Variants in WDR70 observed in about 807,000 individuals in gnomAD.
WDR70 encodes the protein WD repeat domain 70.
Under a neutral mutation model 88.6 loss-of-function variants are expected in WDR70, and 53 were observed. That is an observed-to-expected ratio of 0.60 (90% CI 0.48 to 0.75). The LOEUF (loss-of-function observed/expected upper bound fraction) is 0.75, where lower values mean the gene tolerates loss of function less well. Among genes scored for constraint, WDR70 ranks in the 30% least tolerant of loss-of-function variants. The pLI is 0.00. For synonymous variants in WDR70, 280 were observed against 270.0 expected, an observed-to-expected ratio of 1.04 and a Z score of -0.36; for missense variants, 610 against 823.2, an observed-to-expected ratio of 0.74 and a Z score of 3.17.
chr5:37,546,243 CT>C (rs1254380569), intron 9 of WDR70, among the ~76,000 whole-genome samples: 27 of 152,082 alleles, frequency 1.8e-4, no homozygotes, highest in African/African-American at 6.3e-4. Flanking sequence ...CCTCATATGT[CT>C]AGGAATGAAA....
At chr5:37,468,880 A>T (rs370645684) in intron 7 of WDR70, among the ~76,000 whole-genome samples, 2 of 152,320 alleles carry the variant, frequency 1.3e-5, no homozygotes, top group East Asian at 3.9e-4. Context: ...AGTATATGGG[A>T]GGATGTGCAA....
At chr5:37,558,314 A>G (rs1742375053) in intron 9 of WDR70, among the ~76,000 whole-genome samples, 1 of 151,768 alleles carries the variant, frequency 6.6e-6, no homozygotes, top group Non-Finnish European at 1.5e-5. Context: ...AACACAATGT[A>G]TTTAGCTTTG....
At position 37,680,786 on chromosome 5, in the gene WDR70, A is replaced by G. The variant is rs933917810; in HGVS notation, c.1093-16869A>G. Among the ~76,000 whole-genome samples, 18 of 151,968 alleles carry G rather than the reference A, an allele frequency of 1.2e-4. No individual in the cohort carries two copies. The East Asian group carries it at 2.7e-3, about 23-fold the overall frequency. ...TCTGTTCTTGTACCAGTACGATGCT[A>G]TTTTGGTTACTGTTACCCTGTAGTA... is the stretch of plus-strand genomic sequence containing the variant. On this transcript the variant is annotated intron_variant, in intron 10 of 17. Transcript: ENST00000265107.
chr5:37,561,890 G>A (rs997632782), intron 9 of WDR70, among the ~76,000 whole-genome samples: 1 of 152,140 alleles, frequency 6.6e-6, no homozygotes, highest in African/African-American at 2.4e-5. Flanking sequence ...AAGGAAGAAA[G>A]AACTTGTGGA....
intron 10 of WDR70, among the ~76,000 whole-genome samples, chr5:37,632,270 G>C (rs1284101864): frequency 6.6e-6 from 1 of 152,154 alleles, no homozygotes; most frequent in Non-Finnish European, 1.5e-5. Flanking sequence ...CAAAATACTT[G>C]ATAATAAATG....
At chr5:37,436,657 A>T (rs1051042131) in intron 5 of WDR70, among the ~76,000 whole-genome samples, 2 of 152,132 alleles carry the variant, frequency 1.3e-5, no homozygotes, top group African/African-American at 2.4e-5. Flanking sequence ...AAATTGAGGT[A>T]GGGGGTGAAA....
chr5:37,448,364 T>C (rs202057801), intron 7 of WDR70, among the ~76,000 whole-genome samples: 1 of 152,162 alleles, frequency 6.6e-6, no homozygotes, highest in East Asian at 1.9e-4. Flanking sequence ...CCCGTCTTTC[T>C]TTTTGTGGGA....
intron 9 of WDR70, among the ~76,000 whole-genome samples, chr5:37,564,309 T>C (rs1017327860): frequency 3.9e-4 from 60 of 152,192 alleles, no homozygotes; most frequent in African/African-American, 4.3e-4. Context: ...AGATCACTCG[T>C]GGTTAGGAGC....
chr5:37,575,677 G>A (rs985775710), intron 9 of WDR70, among the ~76,000 whole-genome samples: 10 of 152,086 alleles, frequency 6.6e-5, no homozygotes, highest in African/African-American at 1.2e-4. Context: ...CCTATATACC[G>A]CTCTTCAATC....
intron 5 of WDR70, among the ~76,000 whole-genome samples, chr5:37,424,470 T>C (rs1750059648): frequency 6.6e-6 from 1 of 151,436 alleles, no homozygotes; most frequent in Non-Finnish European, 1.5e-5. Flanking sequence ...AGTGGCGTGA[T>C]CACGGCTCAC....
chr5:37,597,042 T>C (rs1743723298), intron 9 of WDR70, among the ~76,000 whole-genome samples: 3 of 152,222 alleles, frequency 2.0e-5, no homozygotes, highest in East Asian at 1.9e-4. Context: ...TTACTTTTTA[T>C]TGCTGAATAA....
intron 17 of WDR70, among the ~76,000 whole-genome samples, chr5:37,747,394 A>G (rs187838522): frequency 2.6e-5 from 4 of 152,324 alleles, no homozygotes; most frequent in Admixed American, 2.0e-4. Context: ...GTGGAAAAAT[A>G]GGAACACTTT....
intron 9 of WDR70, among the ~76,000 whole-genome samples, chr5:37,581,475 C>T (rs1209122792): frequency 6.6e-6 from 1 of 152,102 alleles, no homozygotes; most frequent in Admixed American, 6.5e-5. Context: ...CTTCATTGTC[C>T]TCACCCTCAA....
At chr5:37,657,275 C>T (rs1029967803) in intron 10 of WDR70, among the ~76,000 whole-genome samples, 17 of 152,118 alleles carry the variant, frequency 1.1e-4, no homozygotes, top group African/African-American at 3.9e-4. Context: ...TTGTGCTTCC[C>T]GGGTGAGATG....
At chr5:37,486,624 C>T (rs1408961415) in intron 8 of WDR70, among the ~76,000 whole-genome samples, 2 of 152,114 alleles carry the variant, frequency 1.3e-5, no homozygotes, top group Non-Finnish European at 2.9e-5. Context: ...GGATTATAGG[C>T]GTGAGCCACC....
At chr5:37,608,304 T>C (rs1238411256) in intron 10 of WDR70, among the ~76,000 whole-genome samples, 2 of 152,138 alleles carry the variant, frequency 1.3e-5, no homozygotes, top group Non-Finnish European at 2.9e-5. Flanking sequence ...CCTCCCAAAG[T>C]GCTAGGATTA....
chr5:37,628,218 T>C (rs505053), intron 10 of WDR70, among the ~76,000 whole-genome samples: 116,615 of 152,162 alleles, frequency 0.77, 45,193 homozygotes, highest in African/African-American at 0.88. Flanking sequence ...CCTCCATTTC[T>C]GGCCTGTGGT....
chr5:37,442,201 C>G (rs1750677082), intron 6 of WDR70, among the ~76,000 whole-genome samples: 1 of 151,620 alleles, frequency 6.6e-6, no homozygotes, highest in Admixed American at 6.6e-5. Flanking sequence ...CCATGCCTGG[C>G]TAATTTTGTA....
intron 9 of WDR70, among the ~76,000 whole-genome samples, chr5:37,548,431 TTTC>T (rs1742054406): frequency 2.0e-5 from 3 of 152,210 alleles, no homozygotes; most frequent in Admixed American, 6.5e-5. Flanking sequence ...GCAATTTGTA[TTTC>T]TTCTTTTGAG....
Sources: gnomAD v4.1 joint callset for allele counts (sites outside exome capture counted in the v4.1 genomes callset) on GRCh38, gnomAD v4.1.1 for gene constraint, MANE v1.5 for transcripts, NCBI Gene and HGNC (gene_info 2026-07-23, HGNC 2026-07-21) for gene names.